Variants in GPC5 observed in about 807,000 individuals in gnomAD.
The protein encoded by GPC5 is glypican 5, also known as glypican-5.
In GPC5, 47 loss-of-function variants were observed where a neutral mutation model predicts 53.9. The observed-to-expected ratio is 0.87, with a 90% CI of 0.69 to 1.11. The LOEUF is 1.11. GPC5 is among the 50% of genes most tolerant of loss of function. The probability of loss-of-function intolerance (pLI) is 0.00; values close to 1 mark genes in which losing one functional copy is unlikely to be tolerated. For missense variants in GPC5, 748 were observed against 713.1 expected (o/e 1.05, Z -0.56); for synonymous variants, 286 against 263.3 (o/e 1.09, Z -0.84).
chr13:91,948,381 C>T (rs1490165289), intron 6 of GPC5, among the ~76,000 whole-genome samples: 1 of 151,780 alleles, frequency 6.6e-6, no homozygotes, highest in Non-Finnish European at 1.5e-5. Context: ...CATAGATATT[C>T]ATTCATTCAT....
intron 4 of GPC5, among the ~76,000 whole-genome samples, chr13:91,753,433 A>C (rs1206652899): frequency 6.6e-6 from 1 of 152,104 alleles, no homozygotes; most frequent in Non-Finnish European, 1.5e-5. Context: ...TAACCTGTCA[A>C]TTCTGGATTC....
chr13:91,440,155 A>C (rs748294976), intron 1 of GPC5, among the ~76,000 whole-genome samples: 18 of 152,090 alleles, frequency 1.2e-4, no homozygotes, highest in Non-Finnish European at 2.4e-4. Context: ...ATTTACAGTA[A>C]TTTTTTCATG....
At position 91,497,484 on chromosome 13, in the gene GPC5, A is replaced by C. The variant is rs190334969; in HGVS notation, c.325+48562A>C. ...ATTTTTTAGTTGTTAGAAATGTCTT[A>C]TCTCTTCTTCATGCCTCCCAAGTCA... On this transcript the variant is annotated intron_variant, in intron 2 of 7. Transcript: ENST00000377067. 4.0e-3 allele frequency among the ~76,000 whole-genome samples: 612 copies of C among 152,322 alleles called. 12 individuals carry two copies. The highest frequency in any genetic ancestry group is 2.6e-3 in the Non-Finnish European group (175 of 68,030).
chr13:91,745,889 C>T lies in GPC5; in HGVS notation c.1155-10406C>T, dbSNP rs117555132. ...AAGAAACGAGACTTCCATTCTCCAT[C>T]CGACTATACAAGTTTAATTACTTTC... On this transcript the variant is annotated intron_variant, in intron 4 of 7. Transcript: ENST00000377067. Among the ~76,000 whole-genome samples, 219 of 152,264 alleles carry T rather than the reference C, an allele frequency of 1.4e-3. 2 individuals are homozygous for T. In the East Asian group the frequency reaches 0.023, roughly 16 times the overall value.
chr13:92,365,742 TC>T (rs2043602701), intron 7 of GPC5, among the ~76,000 whole-genome samples: 1 of 151,228 alleles, frequency 6.6e-6, no homozygotes, highest in Non-Finnish European at 1.5e-5. Flanking sequence ...TGGGTCAGGA[TC>T]ATCAATACCG....
intron 7 of GPC5, among the ~76,000 whole-genome samples, chr13:92,857,341 G>A (rs757311303): frequency 2.6e-5 from 4 of 151,984 alleles, no homozygotes; most frequent in Admixed American, 6.6e-5. Flanking sequence ...AGACCTAAAT[G>A]TAAGACCTCA....
At chr13:91,714,936 T>C (rs2036304678) in intron 3 of GPC5, among the ~76,000 whole-genome samples, 1 of 152,232 alleles carries the variant, frequency 6.6e-6, no homozygotes, top group South Asian at 2.1e-4. Context: ...GTTGCAGCTC[T>C]GTGACTGCTC....
intron 1 of GPC5, among the ~76,000 whole-genome samples, chr13:91,433,592 G>T (rs955949190): frequency 3.3e-5 from 5 of 152,096 alleles, no homozygotes; most frequent in Non-Finnish European, 7.4e-5. Context: ...TCTTAATCCA[G>T]TCTATCAATG....
At chr13:92,458,284 C>T (rs988124370) in intron 7 of GPC5, among the ~76,000 whole-genome samples, 2 of 118,102 alleles carry the variant, frequency 1.7e-5, no homozygotes, top group Non-Finnish European at 3.2e-5. Flanking sequence ...TTAACACATA[C>T]TAGTTATTAT....
At chr13:92,304,923 C>T (rs1315337854) in intron 7 of GPC5, among the ~76,000 whole-genome samples, 1 of 152,040 alleles carries the variant, frequency 6.6e-6, no homozygotes, top group African/African-American at 2.4e-5. Flanking sequence ...TTTAGTGCCC[C>T]CTAAAAGTGA....
At chr13:91,645,606 T>C (rs951418430) in intron 2 of GPC5, among the ~76,000 whole-genome samples, 6 of 152,220 alleles carry the variant, frequency 3.9e-5, no homozygotes, top group Non-Finnish European at 5.9e-5. Context: ...CGTAAGATAG[T>C]GTGAGGTCAC....
At chr13:91,435,432 T>A (rs1173598483) in intron 1 of GPC5, among the ~76,000 whole-genome samples, 4 of 152,240 alleles carry the variant, frequency 2.6e-5, no homozygotes, top group Admixed American at 2.0e-4. Flanking sequence ...TTTCTGCATC[T>A]ACTGAGATAA....
At chr13:91,573,188 G>A (rs1040563030) in intron 2 of GPC5, among the ~76,000 whole-genome samples, 2 of 152,130 alleles carry the variant, frequency 1.3e-5, no homozygotes, top group African/African-American at 4.8e-5. Context: ...CGTTTCCAAG[G>A]CAGAGCTGTC....
At chr13:92,765,800 A>T (rs1875382681) in intron 7 of GPC5, among the ~76,000 whole-genome samples, 1 of 152,190 alleles carries the variant, frequency 6.6e-6, no homozygotes, top group Non-Finnish European at 1.5e-5. Flanking sequence ...TTAAGGGGCC[A>T]GATAGTAATA....
At chr13:92,155,595 T>C (rs2041938655) in intron 7 of GPC5, among the ~76,000 whole-genome samples, 1 of 152,186 alleles carries the variant, frequency 6.6e-6, no homozygotes, top group Admixed American at 6.5e-5. Flanking sequence ...TTCTTTATCT[T>C]CAGCTTTTTC....
intron 5 of GPC5, among the ~76,000 whole-genome samples, chr13:91,804,217 G>C (rs1003343920): frequency 2.0e-5 from 3 of 152,166 alleles, no homozygotes; most frequent in African/African-American, 7.2e-5. Context: ...TGCTGGTTAT[G>C]CTTTCTTAAC....
intron 1 of GPC5, among the ~76,000 whole-genome samples, chr13:91,410,692 C>T (rs1555303794): frequency 6.6e-6 from 1 of 152,170 alleles, no homozygotes; most frequent in Non-Finnish European, 1.5e-5. Flanking sequence ...TTTGCCTCCC[C>T]TCACTCCCTC....
At chr13:91,959,824 A>C (rs765058634) in intron 6 of GPC5, among the ~76,000 whole-genome samples, 1 of 152,072 alleles carries the variant, frequency 6.6e-6, no homozygotes. Context: ...AGCAAACGTC[A>C]TGCATCATAT....
chr13:91,907,807 G>A, intron 5 of GPC5, 130 bp from the exon 6 acceptor site: 3 of 837,834 alleles, frequency 3.6e-6, no homozygotes, highest in Non-Finnish European at 3.6e-6. Flanking sequence ...GCCAGTTTCT[G>A]TTCCAAGAGA....
Sources: gnomAD v4.1 joint callset for allele counts (sites outside exome capture counted in the v4.1 genomes callset) on GRCh38, gnomAD v4.1.1 for gene constraint, MANE v1.5 for transcripts, NCBI Gene and HGNC (gene_info 2026-07-23, HGNC 2026-07-21) for gene names.